The following SMYD3 variants were observed in gnomAD, a reference collection of about 807,000 sequenced individuals.
SMYD3 encodes histone-lysine N-methyltransferase SMYD3.
In SMYD3, 36 loss-of-function variants were observed where a neutral mutation model predicts 57.7. The observed-to-expected ratio is 0.62, with a 90% confidence interval of 0.48 to 0.82. SMYD3 has a LOEUF of 0.82. Among genes scored for constraint, SMYD3 ranks in the 40% least tolerant of loss-of-function variants. SMYD3 has a pLI of 0.00. For synonymous variants in SMYD3, 211 were observed against 195.0 expected (o/e 1.08, Z -0.68); for missense variants, 515 against 538.8 (o/e 0.96, Z 0.44).
intron 8 of SMYD3, among the ~76,000 whole-genome samples, chr1:245,894,155 C>T (rs184741484): frequency 2.6e-5 from 4 of 152,282 alleles, no homozygotes; most frequent in East Asian, 1.9e-4. Context: ...TGCTCTGTAG[C>T]TAGCTAGACG....
intron 10 of SMYD3, among the ~76,000 whole-genome samples, chr1:245,793,987 G>A (rs543105051): frequency 6.6e-6 from 1 of 151,508 alleles, no homozygotes. Flanking sequence ...GCATGCAACT[G>A]GGCTTAAAAA....
At chr1:245,778,859 G>T (rs970448416) in intron 10 of SMYD3, among the ~76,000 whole-genome samples, 2 of 152,012 alleles carry the variant, frequency 1.3e-5, no homozygotes, top group Non-Finnish European at 1.5e-5. Context: ...CTCTGTAAAA[G>T]ATACATTTAA....
chr1:246,448,927 T>A (rs1163584886), intron 1 of SMYD3, among the ~76,000 whole-genome samples: 1 of 152,010 alleles, frequency 6.6e-6, no homozygotes, highest in Non-Finnish European at 1.5e-5. Context: ...TTCCCTTTTT[T>A]CCACTCTAAA....
chr1:246,155,846 A>G (rs1256509754), intron 5 of SMYD3, among the ~76,000 whole-genome samples: 1 of 152,098 alleles, frequency 6.6e-6, no homozygotes, highest in Non-Finnish European at 1.5e-5. Flanking sequence ...AAAATAGCCT[A>G]GTGTGGTGGC....
chr1:246,021,947 A>T (rs2059478671), intron 5 of SMYD3, among the ~76,000 whole-genome samples: 1 of 152,202 alleles, frequency 6.6e-6, no homozygotes, highest in South Asian at 2.1e-4. Context: ...GTAGGGGCAC[A>T]GCACTTCAAA....
At position 245,811,389 on chromosome 1, in the gene SMYD3, A is replaced by G. The variant is rs545810249; in HGVS notation, c.1076+47107T>C. 4.6e-5 allele frequency among the ~76,000 whole-genome samples: 7 copies of G among 152,358 alleles called. 1 individual carries two copies. Among genetic ancestry groups the G allele is most frequent in the Admixed American group, 3.9e-4 (6 of 15,304 alleles). On this transcript the variant is annotated intron_variant, in intron 10 of 11. Transcript: ENST00000490107. ...AAGAATGCTATAATTATCATCAAAA[A>G]GACAGATTCCATTAACTATCTGTTA... is the stretch of plus-strand genomic sequence containing the variant.
chr1:246,309,508 G>A (rs1440463642), intron 5 of SMYD3, among the ~76,000 whole-genome samples: 1 of 152,146 alleles, frequency 6.6e-6, no homozygotes, highest in Non-Finnish European at 1.5e-5. Flanking sequence ...CTGTTTACCA[G>A]GTAGAAAGTT....
At chr1:245,857,418 A>C (rs72766675) in intron 10 of SMYD3, among the ~76,000 whole-genome samples, 84,225 of 151,688 alleles carry the variant, frequency 0.56, 26,551 homozygotes, top group Non-Finnish European at 0.73. Context: ...ACCCTGGGAA[A>C]TTCCTCTCCC....
chr1:245,826,040 T>A (rs200844702), intron 10 of SMYD3, among the ~76,000 whole-genome samples: 13 of 138,532 alleles, frequency 9.4e-5, no homozygotes, highest in African/African-American at 3.8e-4. Context: ...TAATTAAATA[T>A]TTGTTAAATA....
chr1:245,844,339 T>G (rs1439011464), intron 10 of SMYD3, among the ~76,000 whole-genome samples: 1 of 152,008 alleles, frequency 6.6e-6, no homozygotes, highest in Non-Finnish European at 1.5e-5. Flanking sequence ...GATACTATAC[T>G]TAAAATAATG....
intron 1 of SMYD3, among the ~76,000 whole-genome samples, chr1:246,384,236 T>C (rs907364174): frequency 6.6e-6 from 1 of 152,220 alleles, no homozygotes; most frequent in Non-Finnish European, 1.5e-5. Context: ...TTTCTTCATC[T>C]TTCCCTAAAA....
intron 5 of SMYD3, among the ~76,000 whole-genome samples, chr1:246,240,935 C>T (rs376415077): frequency 7.2e-5 from 11 of 151,842 alleles, no homozygotes; most frequent in African/African-American, 1.9e-4. Context: ...TTTTGCACAT[C>T]GATTTTGTAT....
intron 5 of SMYD3, among the ~76,000 whole-genome samples, chr1:245,962,053 T>G (rs1165340354): frequency 6.6e-6 from 1 of 152,088 alleles, no homozygotes; most frequent in African/African-American, 2.4e-5. Flanking sequence ...AAGACCCTCC[T>G]TCTAAACATC....
chr1:246,449,687 C>T (rs550789228), intron 1 of SMYD3, among the ~76,000 whole-genome samples: 1 of 152,148 alleles, frequency 6.6e-6, no homozygotes, highest in Non-Finnish European at 1.5e-5. Context: ...CAATAAGCAC[C>T]CACTGCTTAG....
At chr1:246,384,646 C>T (rs2066443814) in intron 1 of SMYD3, among the ~76,000 whole-genome samples, 1 of 152,180 alleles carries the variant, frequency 6.6e-6, no homozygotes. Flanking sequence ...ATCTGCCCGC[C>T]TCGGCCTCCC....
At chr1:246,347,942 T>C (rs1230997500) in intron 2 of SMYD3, among the ~76,000 whole-genome samples, 4 of 151,530 alleles carry the variant, frequency 2.6e-5, no homozygotes, top group African/African-American at 7.3e-5. Context: ...CAAAGGAAGA[T>C]AAGTCATTCT....
At chr1:246,146,116 C>T (rs555023917) in intron 5 of SMYD3, among the ~76,000 whole-genome samples, 12 of 152,138 alleles carry the variant, frequency 7.9e-5, no homozygotes, top group African/African-American at 1.2e-4. Context: ...GGGAGCTTAC[C>T]TATCTGGGAG....
rs369422718 is a variant in SMYD3, at chr1:246,051,167, G to A, written c.532-121230C>T. 3.1e-4 allele frequency among the ~76,000 whole-genome samples: 43 copies of A among 137,986 alleles called. No homozygotes were observed. The East Asian group carries it at 8.8e-3, about 28-fold the overall frequency. 90.5% of individuals were successfully genotyped at this position (137,986 alleles called of 152,430 possible). On this transcript the variant is annotated intron_variant, in intron 5 of 11. Transcript: ENST00000490107. ...TTTTTTTGAGACAAGGTCCCACTCT[G>A]CCACCCAGGCTGGAGTATAATGGCG...
intron 5 of SMYD3, among the ~76,000 whole-genome samples, chr1:246,255,098 TC>T (rs1466748090): frequency 6.6e-6 from 1 of 152,266 alleles, no homozygotes; most frequent in East Asian, 1.9e-4. Context: ...CTTCTTCTTT[TC>T]CTAATTGGAT....
Sources: gnomAD v4.1 joint callset for allele counts (sites outside exome capture counted in the v4.1 genomes callset) on GRCh38, gnomAD v4.1.1 for gene constraint, MANE v1.5 for transcripts, NCBI Gene and HGNC (gene_info 2026-07-23, HGNC 2026-07-21) for gene names.